EIPR1: variants seen among roughly 807,000 people sequenced by gnomAD.
EIPR1 encodes the protein EARP complex and GARP complex interacting protein 1.
A neutral mutation model predicts 48.1 loss-of-function variants in EIPR1; 25 were observed. That is an observed-to-expected ratio of 0.52 (90% CI 0.38 to 0.73). The LOEUF is 0.73. Among genes scored for constraint, EIPR1 ranks in the 30% least tolerant of loss-of-function variants. The probability of loss-of-function intolerance (pLI) is 0.00; values close to 1 mark genes in which losing one functional copy is unlikely to be tolerated. For missense variants in EIPR1, 415 were observed against 506.2 expected (o/e 0.82, Z 1.73); for synonymous variants, 204 against 201.9 (o/e 1.01, Z -0.09).
chr2:3,299,448 C>T (rs761415618), intron 3 of EIPR1, among the ~76,000 whole-genome samples: 6 of 152,082 alleles, frequency 3.9e-5, no homozygotes, highest in African/African-American at 7.2e-5. Context: ...TGACTGGGCG[C>T]GGCCTTGTTA....
chr2:3,215,570 C>T (rs1484896217), intron 4 of EIPR1, among the ~76,000 whole-genome samples: 2 of 152,186 alleles, frequency 1.3e-5, no homozygotes, highest in Non-Finnish European at 2.9e-5. Context: ...TCAACATGGT[C>T]GCAAATATGG....
At chr2:3,321,460 C>G (rs4854151) in intron 3 of EIPR1, among the ~76,000 whole-genome samples, 26,967 of 152,036 alleles carry the variant, frequency 0.18, 2,547 homozygotes, top group Non-Finnish European at 0.21. Flanking sequence ...ACTTTTCTCC[C>G]CACCTCTCAC....
intron 3 of EIPR1, among the ~76,000 whole-genome samples, chr2:3,297,560 T>G (rs1668640435): frequency 1.3e-5 from 2 of 152,240 alleles, no homozygotes; most frequent in African/African-American, 4.8e-5. Context: ...ACAGCCAGGT[T>G]CTCCCTTGCA....
chr2:3,191,580 G>A (rs1664607455), intron 8 of EIPR1, among the ~76,000 whole-genome samples: 1 of 152,198 alleles, frequency 6.6e-6, no homozygotes, highest in South Asian at 2.1e-4. Context: ...GTATCTAAGG[G>A]CTCTGTCCAA....
chr2:3,278,999 A>C (rs1667941463), intron 3 of EIPR1, among the ~76,000 whole-genome samples: 1 of 152,200 alleles, frequency 6.6e-6, no homozygotes, highest in African/African-American at 2.4e-5. Flanking sequence ...TGCCTACAGA[A>C]GGAAACAGTG....
At chr2:3,269,334 A>G (rs1422252270) in intron 3 of EIPR1, among the ~76,000 whole-genome samples, 1 of 104,840 alleles carries the variant, frequency 9.5e-6, no homozygotes, top group Admixed American at 9.5e-5. Flanking sequence ...CTCAATCATC[A>G]TCACACTCAG....
chr2:3,353,578 A>G (rs1369819952), intron 2 of EIPR1, among the ~76,000 whole-genome samples: 1 of 152,168 alleles, frequency 6.6e-6, no homozygotes, highest in Non-Finnish European at 1.5e-5. Flanking sequence ...ACGCATTTTG[A>G]TATTCTGATT....
In EIPR1 at chr2:3,197,086, G is replaced by A. The variant is rs12618661; in HGVS notation, c.517-69C>T. ...AGAATGTGAAGTCTGTTCAGAAAACGCGAGAGGATATCGTATACTCAAGGA... is the reference window on the plus strand; with the variant it reads ...AGAATGTGAAGTCTGTTCAGAAAACACGAGAGGATATCGTATACTCAAGGA... On this transcript the variant is annotated intron_variant, in intron 5 of 8. Transcript: ENST00000382125. The A allele has an allele frequency of 3.6e-4, 560 of 1,555,438 alleles. 3 individuals are homozygous for A. In the East Asian group the frequency reaches 0.011, roughly 32 times the overall value.
At chr2:3,347,373 T>C (rs539026484) in intron 2 of EIPR1, among the ~76,000 whole-genome samples, 99 of 152,338 alleles carry the variant, frequency 6.5e-4, no homozygotes, top group African/African-American at 2.3e-3. Context: ...GGGGCAGTTC[T>C]TTCCCATGCT....
intron 2 of EIPR1, among the ~76,000 whole-genome samples, chr2:3,341,797 T>TCTGGATGCGTGCAC (rs1195983360): frequency 6.6e-6 from 1 of 152,086 alleles, no homozygotes; most frequent in Non-Finnish European, 1.5e-5. Context: ...AGTAGCACAT[T>TCTGGATGCGTGCAC]CTGGATGCGT....
chr2:3,336,388 C>A (rs1272083814), intron 3 of EIPR1, among the ~76,000 whole-genome samples: 3 of 152,170 alleles, frequency 2.0e-5, no homozygotes, highest in African/African-American at 7.2e-5. Flanking sequence ...GCAGGAGGTG[C>A]ATAGCCACAC....
Position 3,213,591 on chromosome 2 carries a change from C to T in EIPR1, c.516+558G>A, listed in dbSNP as rs550810186. Among the ~76,000 whole-genome samples, 13 of 152,258 alleles carry T rather than the reference C, an allele frequency of 8.5e-5. No individual in the cohort carries two copies. In the East Asian group the frequency reaches 9.7e-4, roughly 11 times the overall value. ...CGTCAAAAGGACAGCACGCTTGAAA[C>T]GGTAGAAAATACTCCTGGGCATCCC... On this transcript the variant is annotated intron_variant, in intron 5 of 8. Transcript: ENST00000382125.
chr2:3,277,939 T>C (rs1667906458), intron 3 of EIPR1, among the ~76,000 whole-genome samples: 1 of 152,164 alleles, frequency 6.6e-6, no homozygotes, highest in African/African-American at 2.4e-5. Flanking sequence ...TCTCCAGCCA[T>C]TCATGGAATG....
intron 5 of EIPR1, among the ~76,000 whole-genome samples, chr2:3,198,020 C>T (rs1318104947): frequency 2.0e-5 from 3 of 152,316 alleles, no homozygotes; most frequent in East Asian, 3.9e-4. Flanking sequence ...CTTTGCTGGC[C>T]AGGGCAGGTT....
chr2:3,333,749 CA>C (rs769152280), intron 3 of EIPR1, among the ~76,000 whole-genome samples: 4,057 of 72,380 alleles, frequency 0.056, 54 homozygotes, highest in Middle Eastern at 0.12. Context: ...ACCCTACCTC[CA>C]AAAAAAAAAA....
chr2:3,202,143 T>G (rs947730674), intron 5 of EIPR1, among the ~76,000 whole-genome samples: 1 of 152,282 alleles, frequency 6.6e-6, no homozygotes, highest in African/African-American at 2.4e-5. Context: ...TTCACCATGT[T>G]AGCCAGGATG....
Position 3,312,619 on chromosome 2 carries a change from G to A in EIPR1, c.259+25398C>T, listed in dbSNP as rs976350728. ...TTTTATCCCTAGCTTTGCAGGTAAA[G>A]CTTTGCAGGGAGAAGGACCCACGAT... On this transcript the variant is annotated intron_variant, in intron 3 of 8. Coordinates refer to ENST00000382125, the MANE Select transcript of EIPR1 (RefSeq NM_003310.5). The surrounding 1 kb of genome is among the most constrained non-coding windows in gnomAD (Gnocchi z 5.5). Among the ~76,000 whole-genome samples the A allele has an allele frequency of 5.9e-5, 9 of 152,346 alleles. No homozygotes were observed. In the South Asian group the frequency reaches 1.9e-3, roughly 32 times the overall value.
At chr2:3,347,931 G>C (rs1401542500) in intron 2 of EIPR1, among the ~76,000 whole-genome samples, 2 of 152,186 alleles carry the variant, frequency 1.3e-5, no homozygotes, top group African/African-American at 2.4e-5. Context: ...TAAAGGAAGA[G>C]AGAAGGGTGA....
intron 5 of EIPR1, chr2:3,208,933 C>A (rs7595702): frequency 0.44 from 661,739 of 1,518,828 alleles, 146,876 homozygotes; most frequent in East Asian, 0.69. Flanking sequence ...GTGCACGCTC[C>A]TTCAGAATGT....
Sources: gnomAD v4.1 joint callset for allele counts (sites outside exome capture counted in the v4.1 genomes callset) on GRCh38, gnomAD v4.1.1 for gene constraint, Gnocchi (gnomAD v3.1) non-coding constraint, MANE v1.5 for transcripts, NCBI Gene and HGNC (gene_info 2026-07-23, HGNC 2026-07-21) for gene names.